ANK2: variants seen among roughly 807,000 people sequenced by gnomAD.
ANK2 encodes ankyrin 2.
In ANK2, 83 loss-of-function variants were observed where a neutral mutation model predicts 360.5. The ratio of observed to expected loss-of-function variants is 0.23; its 90% CI spans 0.19 to 0.28. The LOEUF (loss-of-function observed/expected upper bound fraction) is 0.28, where lower values mean the gene tolerates loss of function less well. Among genes scored for constraint, ANK2 ranks in the 10% least tolerant of loss-of-function variants. The probability of loss-of-function intolerance (pLI) is 1.00; values close to 1 mark genes in which losing one functional copy is unlikely to be tolerated. For missense variants in ANK2, 4,201 were observed against 4,795.7 expected, an observed-to-expected ratio of 0.88 and a Z score of 3.66; for synonymous variants, 1,740 against 1,759.5, an observed-to-expected ratio of 0.99 and a Z score of 0.28.
chr4:112,825,743 A>C (rs2058290590), intron 1 of ANK2, among the ~76,000 whole-genome samples: 1 of 152,206 alleles, frequency 6.6e-6, no homozygotes, highest in Admixed American at 6.5e-5. Flanking sequence ...AAACAGGTAA[A>C]TTTGTACATT....
intron 34 of ANK2, among the ~76,000 whole-genome samples, chr4:113,343,708 C>CAT (rs1338043759): frequency 6.6e-6 from 1 of 152,088 alleles, no homozygotes; most frequent in East Asian, 1.9e-4. Context: ...GTGATATATG[C>CAT]AAGTTTCATT....
At chr4:112,731,064 C>T in the ANK2 span, among the ~76,000 whole-genome samples, 1 of 151,896 alleles carries the variant, frequency 6.6e-6, no homozygotes, top group African/African-American at 2.4e-5. Context: ...ATCGCTTGAA[C>T]CCAGGAGGTG....
At chr4:113,024,937 T>C (rs1046756159) in intron 2 of ANK2, among the ~76,000 whole-genome samples, 5 of 152,184 alleles carry the variant, frequency 3.3e-5, no homozygotes, top group African/African-American at 1.2e-4. Flanking sequence ...TACCTATTCG[T>C]GTGAATTTTT....
chr4:113,119,643 A>T (rs1004156403), intron 1 of ANK2, among the ~76,000 whole-genome samples: 7 of 152,172 alleles, frequency 4.6e-5, no homozygotes, highest in African/African-American at 1.4e-4. Flanking sequence ...CATCAGTTGT[A>T]GAGATGATTG....
At chr4:113,272,160 C>T (rs1163231269) in intron 14 of ANK2, among the ~76,000 whole-genome samples, 1 of 152,188 alleles carries the variant, frequency 6.6e-6, no homozygotes, top group Non-Finnish European at 1.5e-5. Context: ...AATCTTTGAA[C>T]TTTATCCCAG....
chr4:112,969,960 C>T (rs992066548), intron 2 of ANK2, among the ~76,000 whole-genome samples: 2 of 151,940 alleles, frequency 1.3e-5, no homozygotes, highest in Non-Finnish European at 2.9e-5. Flanking sequence ...TGTAACAATA[C>T]TGTTAATCTA....
intron 5 of ANK2, among the ~76,000 whole-genome samples, chr4:113,233,826 C>T (rs1331442008): frequency 6.6e-6 from 1 of 151,992 alleles, no homozygotes; most frequent in Non-Finnish European, 1.5e-5. Flanking sequence ...GTTCTCTATT[C>T]AATACACACA....
chr4:113,163,305 A>G (rs1394413511), intron 1 of ANK2, among the ~76,000 whole-genome samples: 5 of 152,094 alleles, frequency 3.3e-5, no homozygotes, highest in Non-Finnish European at 1.5e-5. Flanking sequence ...TGTCCATGTA[A>G]ATTGTCACAA....
chr4:112,833,061 A>G (rs1490772990), intron 1 of ANK2, among the ~76,000 whole-genome samples: 1 of 152,246 alleles, frequency 6.6e-6, no homozygotes, highest in South Asian at 2.1e-4. Flanking sequence ...TCGTTTGGAC[A>G]TGGGACAGTT....
intron 18 of ANK2, among the ~76,000 whole-genome samples, chr4:113,283,427 G>A (rs1182521466): frequency 6.6e-6 from 1 of 152,136 alleles, no homozygotes; most frequent in East Asian, 1.9e-4. Flanking sequence ...GGCCTAGCTT[G>A]AGAGGTTTGG....
At chr4:113,237,653 C>T (rs752240138) in intron 7 of ANK2, 31 bp downstream of exon 7, 1 of 1,573,210 alleles carries the variant, frequency 6.4e-7, no homozygotes, top group South Asian at 1.1e-5. Context: ...CAAAATTTAC[C>T]TTGTCTTTAT....
At position 113,282,664 on chromosome 4, in the gene ANK2, G is replaced by A. The variant is rs29373; in HGVS notation, c.1882-11G>A. The A allele has an allele frequency of 4.4e-6, 7 of 1,601,148 alleles. No homozygotes were observed. Among genetic ancestry groups the A allele is most frequent in the South Asian group, 3.3e-5 (3 of 89,692 alleles). On this transcript the variant is annotated splice_polypyrimidine_tract_variant and intron_variant, in intron 17 of 45. Transcript: ENST00000357077. Reference sequence around the variant, plus strand: ...CTCTATATGCATGTGTTTTATTTTTGTTCTTTTTAGAATGGCTATACTCCG... The same window carrying A: ...CTCTATATGCATGTGTTTTATTTTTATTCTTTTTAGAATGGCTATACTCCG...
chr4:113,342,112 G>GTT (rs1468664357), intron 33 of ANK2, among the ~76,000 whole-genome samples, 196 bp downstream of exon 33: 2 of 152,172 alleles, frequency 1.3e-5, no homozygotes, highest in Admixed American at 1.3e-4. Context: ...GGAATGATCT[G>GTT]TGCATGTGAG....
chr4:113,146,021 A>G, intron 1 of ANK2: 2 of 1,289,594 alleles, frequency 1.6e-6, no homozygotes, highest in Non-Finnish European at 2.0e-6. Flanking sequence ...TTAGGCCACA[A>G]AGGAGGAGGA....
chr4:113,033,077 A>G (rs190649972), intron 2 of ANK2, among the ~76,000 whole-genome samples: 50 of 152,122 alleles, frequency 3.3e-4, no homozygotes, highest in African/African-American at 1.2e-3. Flanking sequence ...CTTAAGAAAA[A>G]TTAAATGGTC....
At chr4:113,282,259 A>C (rs922543329) in intron 17 of ANK2, among the ~76,000 whole-genome samples, 1 of 152,232 alleles carries the variant, frequency 6.6e-6, no homozygotes, top group Non-Finnish European at 1.5e-5. Context: ...GAGATCTAGA[A>C]ATGGCACTTC....
In ANK2 at chr4:113,381,575, C is replaced by A; in HGVS notation, c.*104C>A. The A allele has an allele frequency of 6.2e-7, 1 of 1,604,848 alleles. No homozygotes were observed. The highest frequency in any genetic ancestry group is 8.5e-7 in the Non-Finnish European group (1 of 1,174,658). Reference sequence around the variant, plus strand: ...AGAAGCACTAGACCAGGACGACCTCCAGCGCGATCTCCAGCAGCTCCTTCG... The same window carrying A: ...AGAAGCACTAGACCAGGACGACCTCAAGCGCGATCTCCAGCAGCTCCTTCG... On this transcript the variant is annotated 3_prime_UTR_variant, in exon 46 of 46. Coordinates refer to ENST00000357077, the MANE Select transcript of ANK2 (RefSeq NM_001148.6).
chr4:113,247,618 C>T (rs1167109693), intron 9 of ANK2, among the ~76,000 whole-genome samples: 2 of 152,106 alleles, frequency 1.3e-5, no homozygotes, highest in Non-Finnish European at 2.9e-5. Context: ...GGTGCCATTC[C>T]CTCCTTCATC....
At chr4:113,151,232 C>A in intron 1 of ANK2, 2 of 867,594 alleles carry the variant, frequency 2.3e-6, no homozygotes, top group Non-Finnish European at 1.6e-6. Context: ...ACTGCAATTG[C>A]ACACATTACT....
Sources: gnomAD v4.1 joint callset for allele counts (sites outside exome capture counted in the v4.1 genomes callset) on GRCh38, gnomAD v4.1.1 for gene constraint, MANE v1.5 for transcripts, NCBI Gene and HGNC (gene_info 2026-07-23, HGNC 2026-07-21) for gene names.